Variants in NXPE4 observed in about 807,000 individuals in gnomAD.
The protein encoded by NXPE4 is neurexophilin and PC-esterase domain family member 4.
NXPE4 carries 42 observed loss-of-function variants against 33.3 expected under a neutral mutation model. The ratio of observed to expected loss-of-function variants is 1.26; its 90% CI spans 0.98 to 1.63. The LOEUF is 1.63. Among genes scored for constraint, NXPE4 ranks in the 40% most tolerant of loss-of-function variants. The probability of loss-of-function intolerance (pLI) is 0.00; values close to 1 mark genes in which losing one functional copy is unlikely to be tolerated. For missense variants in NXPE4, 709 were observed against 647.6 expected (o/e 1.09, Z -1.03); for synonymous variants, 253 against 234.9 (o/e 1.08, Z -0.71).
chr11:114,579,013 G>T (rs1565330339), intron 5 of NXPE4, among the ~76,000 whole-genome samples: 1 of 152,088 alleles, frequency 6.6e-6, no homozygotes, highest in Non-Finnish European at 1.5e-5. Context: ...TTGCTATAAA[G>T]GAATACCTGA....
the NXPE4 span, among the ~76,000 whole-genome samples, chr11:114,632,188 A>C: frequency 1.4e-5 from 2 of 141,404 alleles, no homozygotes; most frequent in Non-Finnish European, 3.0e-5. Flanking sequence ...TAATAAATAA[A>C]TGATCATATA....
At chr11:114,636,295 A>T in the NXPE4 span, among the ~76,000 whole-genome samples, 8 of 151,424 alleles carry the variant, frequency 5.3e-5, no homozygotes, top group African/African-American at 1.9e-4. Flanking sequence ...TATTTCTGTG[A>T]GATCGGTGGT....
At chr11:114,631,000 C>T in the NXPE4 span, among the ~76,000 whole-genome samples, 1 of 150,860 alleles carries the variant, frequency 6.6e-6, no homozygotes, top group African/African-American at 2.4e-5. Flanking sequence ...GTTAGAATGG[C>T]AATCATTAAA....
chr11:114,648,870 T>C, the NXPE4 span, among the ~76,000 whole-genome samples: 1 of 152,206 alleles, frequency 6.6e-6, no homozygotes, highest in Non-Finnish European at 1.5e-5. Flanking sequence ...AATGATATAA[T>C]ATAAAGTGAA....
the NXPE4 span, among the ~76,000 whole-genome samples, chr11:114,603,268 G>T: frequency 2.7e-5 from 4 of 149,970 alleles, no homozygotes; most frequent in African/African-American, 9.8e-5. Flanking sequence ...CCTATTTCCT[G>T]GTGGATGATA....
chr11:114,608,899 G>A, the NXPE4 span, among the ~76,000 whole-genome samples: 3 of 149,410 alleles, frequency 2.0e-5, no homozygotes, highest in East Asian at 6.1e-4. Context: ...TGCCTCGTGG[G>A]TAACCACTGT....
In NXPE4 at chr11:114,571,255, T is replaced by C; in HGVS notation, c.1318A>G (p.Arg440Gly). The C allele has an allele frequency of 6.2e-7, 1 of 1,614,034 alleles. No homozygotes were observed. The highest frequency in any genetic ancestry group is 1.3e-5 in the African/African-American group (1 of 75,026). The change falls in exon 6 of 6, where the codon AGA (arginine) becomes GGA (glycine). Residue 440 changes from arginine (R) to glycine (G), a missense_variant. Arg to Gly is a moderately radical substitution (Grantham distance 125). Coordinates refer to ENST00000375478, the MANE Select transcript of NXPE4 (RefSeq NM_001077639.2). ...VIVISLGQHF[R>G]PFPIDVFIRR... ...ATAAAAACATCAATGGGAAAGGGTC[T>C]GAAATGCTGGCCCAGGGAAATAACA...
the NXPE4 span, among the ~76,000 whole-genome samples, chr11:114,634,779 T>C: frequency 3.9e-5 from 6 of 152,052 alleles, no homozygotes; most frequent in East Asian, 7.7e-4. Context: ...GTTGTAGATA[T>C]GTGGCATTAT....
the NXPE4 span, among the ~76,000 whole-genome samples, chr11:114,631,511 T>A: frequency 3.8e-5 from 4 of 104,518 alleles, no homozygotes; most frequent in South Asian, 1.4e-3. Flanking sequence ...CATAACACTC[T>A]GGGGACTGTT....
chr11:114,580,402 G>GATA, intron 4 of NXPE4, 64 bp from the exon 5 acceptor site: 1 of 1,427,032 alleles, frequency 7.0e-7, no homozygotes, highest in Non-Finnish European at 9.8e-7. Context: ...TATGTATTAA[G>GATA]AGCCTTCTAT....
chr11:114,628,711 CA>C, the NXPE4 span, among the ~76,000 whole-genome samples: 1 of 137,470 alleles, frequency 7.3e-6, no homozygotes, highest in African/African-American at 2.7e-5. Context: ...AAAACCCCTT[CA>C]AAAAATTAAC....
At chr11:114,648,732 C>T in the NXPE4 span, among the ~76,000 whole-genome samples, 6 of 151,998 alleles carry the variant, frequency 3.9e-5, no homozygotes, top group Non-Finnish European at 7.4e-5. Flanking sequence ...ACAACTATCC[C>T]GCATACAACT....
At chr11:114,627,112 A>G in the NXPE4 span, among the ~76,000 whole-genome samples, 1 of 152,136 alleles carries the variant, frequency 6.6e-6, no homozygotes, top group Non-Finnish European at 1.5e-5. Flanking sequence ...ATTATCCAGG[A>G]GAACTTCCCC....
the NXPE4 span, among the ~76,000 whole-genome samples, chr11:114,613,287 A>G: frequency 6.7e-6 from 1 of 150,038 alleles, no homozygotes; most frequent in Non-Finnish European, 1.5e-5. Flanking sequence ...CACTGTTACT[A>G]GGTGGATAAT....
chr11:114,604,610 C>T, the NXPE4 span, among the ~76,000 whole-genome samples: 14 of 138,240 alleles, frequency 1.0e-4, no homozygotes, highest in African/African-American at 3.0e-4. Context: ...CATTACCCAC[C>T]GGATACTAAG....
the NXPE4 span, among the ~76,000 whole-genome samples, chr11:114,610,787 G>T: frequency 6.6e-6 from 1 of 152,030 alleles, no homozygotes; most frequent in South Asian, 2.1e-4. Context: ...TTACCCAGTG[G>T]ATAATAAGTA....
upstream of NXPE4, among the ~76,000 whole-genome samples, chr11:114,600,579 G>T (rs1433069424): frequency 6.6e-6 from 1 of 152,032 alleles, no homozygotes; most frequent in South Asian, 2.1e-4. Flanking sequence ...TTTCTAAAGT[G>T]TCACAATCAT....
the NXPE4 span, among the ~76,000 whole-genome samples, chr11:114,649,745 A>G: frequency 6.6e-5 from 10 of 152,172 alleles, no homozygotes; most frequent in African/African-American, 4.8e-5. Flanking sequence ...GATGAATCCA[A>G]TTGCCTTTTT....
the NXPE4 span, among the ~76,000 whole-genome samples, chr11:114,623,372 A>G: frequency 6.6e-6 from 1 of 151,680 alleles, no homozygotes; most frequent in Non-Finnish European, 1.5e-5. Context: ...ACCACTTTTA[A>G]ACGTGGGATA....
Sources: allele counts gnomAD v4.1 joint callset (sites outside exome capture counted in the v4.1 genomes callset), GRCh38; gene constraint gnomAD v4.1.1; transcripts MANE v1.5; gene names NCBI Gene and HGNC (gene_info 2026-07-23, HGNC 2026-07-21).